The following B3GALT1 variants were observed in gnomAD, a reference collection of about 807,000 sequenced individuals.
B3GALT1 encodes UDP-Gal:betaGlcNAc beta 1,3-galactosyltransferase, polypeptide 1.
A neutral mutation model predicts 23.2 loss-of-function variants in B3GALT1; 10 were observed. That is an observed-to-expected ratio of 0.43 (90% CI 0.27 to 0.73). The LOEUF (loss-of-function observed/expected upper bound fraction) is 0.73. Among genes scored for constraint, B3GALT1 ranks in the 30% least tolerant of loss-of-function variants. The probability of loss-of-function intolerance (pLI) is 0.21; values close to 1 mark genes in which losing one functional copy is unlikely to be tolerated. For synonymous variants in B3GALT1, 156 were observed against 141.5 expected (o/e 1.10, Z -0.73); for missense variants, 299 against 405.4 (o/e 0.74, Z 2.25).
At chr2:167,545,744 G>A (rs1243651542) in intron 2 of B3GALT1, among the ~76,000 whole-genome samples, 1 of 152,168 alleles carries the variant, frequency 6.6e-6, no homozygotes, top group Non-Finnish European at 1.5e-5. Context: ...TCAGTAATCT[G>A]TCAGGATGAC....
chr2:167,306,105 T>G (rs1696548035), intron 1 of B3GALT1, among the ~76,000 whole-genome samples: 2 of 151,978 alleles, frequency 1.3e-5, no homozygotes, highest in African/African-American at 4.8e-5. Context: ...TCTAAGGAAA[T>G]AGTACAAAAT....
At chr2:167,816,744 C>G (rs1688999991) in intron 3 of B3GALT1, among the ~76,000 whole-genome samples, 1 of 152,084 alleles carries the variant, frequency 6.6e-6, no homozygotes, top group Non-Finnish European at 1.5e-5. Context: ...TTTCCAATGT[C>G]AACATTCAGT....
intron 1 of B3GALT1, among the ~76,000 whole-genome samples, chr2:167,445,373 T>C (rs1698965594): frequency 6.6e-6 from 1 of 152,244 alleles, no homozygotes; most frequent in African/African-American, 2.4e-5. Context: ...TGTAGATGTC[T>C]ATTAGGTCCA....
chr2:167,440,171 A>G (rs370306086), intron 1 of B3GALT1, among the ~76,000 whole-genome samples: 5 of 151,758 alleles, frequency 3.3e-5, no homozygotes, highest in Non-Finnish European at 5.9e-5. Context: ...GTGAAACCCC[A>G]TCTCTACTAA....
rs995032556 is a variant in B3GALT1, at chr2:167,872,127, C to T, written c.*2107C>T. The T allele has an allele frequency of 1.3e-5, 2 of 151,920 alleles. No individual in the cohort carries two copies. Among genetic ancestry groups the T allele is most frequent in the Middle Eastern group, 3.4e-3 (1 of 294 alleles). The allele number at this position is 151,920 out of a possible 1,614,324, so 9.4% of individuals were successfully genotyped here. The stretch of plus-strand genomic sequence containing the variant: ...CCGTGTTAGCCAGGATGGTCTCGAT[C>T]TCCTGACCTCGTGATCCGCCCGCCT... On this transcript the variant is annotated 3_prime_UTR_variant, in exon 5 of 5. Transcript: ENST00000392690.
intron 1 of B3GALT1, among the ~76,000 whole-genome samples, chr2:167,340,916 A>G (rs1490758417): frequency 3.3e-5 from 5 of 152,186 alleles, no homozygotes; most frequent in Admixed American, 1.3e-4. Context: ...AATAGCTATA[A>G]TATTATGTTC....
intron 2 of B3GALT1, among the ~76,000 whole-genome samples, chr2:167,493,065 T>A (rs1240257131): frequency 1.3e-5 from 2 of 152,204 alleles, no homozygotes; most frequent in Admixed American, 1.3e-4. Context: ...TTGATGCTGT[T>A]CAAAGTTAGC....
intron 3 of B3GALT1, among the ~76,000 whole-genome samples, chr2:167,704,097 C>T (rs978058302): frequency 3.4e-5 from 5 of 146,564 alleles, no homozygotes; most frequent in African/African-American, 7.6e-5. Flanking sequence ...AGGGGAATGG[C>T]GTGAACCCGG....
chr2:167,475,926 C>T (rs1327917222), intron 1 of B3GALT1, among the ~76,000 whole-genome samples: 3 of 152,126 alleles, frequency 2.0e-5, no homozygotes, highest in Admixed American at 2.0e-4. Flanking sequence ...GCCAAGGCAA[C>T]AAATCTCTGC....
chr2:167,802,023 TC>T (rs1468449191), intron 3 of B3GALT1, among the ~76,000 whole-genome samples: 1 of 152,196 alleles, frequency 6.6e-6, no homozygotes, highest in African/African-American at 2.4e-5. Context: ...TTGTGGGGTA[TC>T]CCTTCACATG....
intron 1 of B3GALT1, among the ~76,000 whole-genome samples, chr2:167,394,671 C>A (rs759015563): frequency 1.3e-5 from 2 of 151,846 alleles, no homozygotes; most frequent in Non-Finnish European, 2.9e-5. Context: ...TAGGCATTTT[C>A]TCTCCATCCC....
At chr2:167,864,366 C>T (rs1411241861) in intron 4 of B3GALT1, among the ~76,000 whole-genome samples, 1 of 152,044 alleles carries the variant, frequency 6.6e-6, no homozygotes, top group Non-Finnish European at 1.5e-5. Context: ...ACCAGCCTGG[C>T]CAACACAGTG....
At chr2:167,758,398 G>T (rs1321089588) in intron 3 of B3GALT1, among the ~76,000 whole-genome samples, 2 of 152,150 alleles carry the variant, frequency 1.3e-5, no homozygotes, top group African/African-American at 4.8e-5. Flanking sequence ...GAGACATTCT[G>T]AGATGATCTC....
At chr2:167,746,125 A>C (rs1277845693) in intron 3 of B3GALT1, among the ~76,000 whole-genome samples, 2 of 152,200 alleles carry the variant, frequency 1.3e-5, no homozygotes, top group Non-Finnish European at 2.9e-5. Flanking sequence ...GAGACAAATT[A>C]ATTCCTCTAT....
intron 1 of B3GALT1, among the ~76,000 whole-genome samples, chr2:167,450,996 T>C (rs1379565000): frequency 1.3e-5 from 2 of 152,088 alleles, no homozygotes; most frequent in East Asian, 1.9e-4. Context: ...AATGAGACTT[T>C]CCAGAACATT....
chr2:167,596,814 T>C (rs1678086262), intron 2 of B3GALT1, among the ~76,000 whole-genome samples: 1 of 152,206 alleles, frequency 6.6e-6, no homozygotes, highest in Non-Finnish European at 1.5e-5. Context: ...GCCCTCAATG[T>C]AGTGACTGGT....
intron 2 of B3GALT1, among the ~76,000 whole-genome samples, chr2:167,576,520 GTTTTT>G (rs67961883): frequency 8.2e-6 from 1 of 122,424 alleles, no homozygotes; most frequent in African/African-American, 3.0e-5. Context: ...TTGTTTTTCT[GTTTTT>G]TTTTTTGTTT....
rs371418597 is a variant in B3GALT1 at position 167,409,361 on chromosome 2, A to G, written c.-510-80816A>G. Among the ~76,000 whole-genome samples, 15 of 152,078 alleles carry G rather than the reference A, an allele frequency of 9.9e-5. No homozygotes were observed. The East Asian group carries it at 1.9e-3, about 20-fold the overall frequency. On this transcript the variant is annotated intron_variant, in intron 1 of 4. Transcript: ENST00000392690. ...GAAGTGTGTTTTCCAACTTGATTCT[A>G]TTCTCCCTGTCACTTTCAGGTACGC...
At chr2:167,853,353 G>A (rs1056024857) in intron 4 of B3GALT1, among the ~76,000 whole-genome samples, 5 of 152,082 alleles carry the variant, frequency 3.3e-5, no homozygotes, top group African/African-American at 1.2e-4. Context: ...CCTATTGAGA[G>A]TTCTCTATTT....
Sources: allele counts gnomAD v4.1 joint callset (sites outside exome capture counted in the v4.1 genomes callset), GRCh38; gene constraint gnomAD v4.1.1; transcripts MANE v1.5; gene names NCBI Gene and HGNC (gene_info 2026-07-23, HGNC 2026-07-21).